ZNF675: variants seen among roughly 807,000 people sequenced by gnomAD.
The protein encoded by ZNF675 is TRAF6 inhibitory zinc finger.
Under a neutral mutation model 56.1 loss-of-function variants are expected in ZNF675, and 36 were observed. The ratio of observed to expected loss-of-function variants is 0.64; its 90% CI spans 0.49 to 0.85. ZNF675 has a LOEUF of 0.85. ZNF675 is among the 40% of genes least tolerant of loss of function. The pLI, the probability that ZNF675 is intolerant of heterozygous loss-of-function variation, is 0.00. For missense variants in ZNF675, 663 were observed against 654.2 expected (o/e 1.01, Z -0.15); for synonymous variants, 200 against 218.9 (o/e 0.91, Z 0.76).
chr19:23,654,058 G>C lies in ZNF675; in HGVS notation c.875C>G (p.Ala292Gly), dbSNP rs750709139. The C allele has an allele frequency of 9.3e-6, 15 of 1,613,582 alleles. No homozygotes were observed. The highest frequency in any genetic ancestry group is 1.2e-5 in the Non-Finnish European group (14 of 1,179,996). Residue 292 changes from alanine to glycine, a missense_variant, in exon 4 of 4, where the codon GCC (alanine) becomes GGC (glycine). Ala to Gly is a moderately conservative substitution (Grantham distance 60, BLOSUM62 0). Transcript: ENST00000359788. ...AGTAAGATTTGAGAACTGGTTAAAG[G>C]CTTTGCCACATTCTTCACATTTGTA... ...KPYKCEECGK[A>G]FNQFSNLTTH...
At chr19:23,676,189 T>A (rs1968292354) in intron 1 of ZNF675, among the ~76,000 whole-genome samples, 1 of 150,804 alleles carries the variant, frequency 6.6e-6, no homozygotes, top group African/African-American at 2.5e-5. Context: ...AATAAAAAGC[T>A]CCAAAATCAA....
At chr19:23,663,560 C>T (rs1215508136) in intron 1 of ZNF675, among the ~76,000 whole-genome samples, 3 of 151,978 alleles carry the variant, frequency 2.0e-5, no homozygotes, top group Admixed American at 6.6e-5. Flanking sequence ...GGCGTGGTGG[C>T]GCATGCATGT....
chr19:23,677,195 C>G (rs548572292), intron 1 of ZNF675, among the ~76,000 whole-genome samples: 6 of 151,638 alleles, frequency 4.0e-5, no homozygotes, highest in African/African-American at 1.5e-4. Context: ...AGCAATCAGG[C>G]AAGCCGAAAC....
intron 3 of ZNF675, chr19:23,656,042 GT>G (rs1457557235): frequency 1.2e-3 from 5 of 4,330 alleles, no homozygotes; most frequent in African/African-American, 1.3e-3. Context: ...TATGGCTGCA[GT>G]GGAGCCACTG....
chr19:23,656,967 C>T (rs1568288450), intron 3 of ZNF675: 1 of 152,140 alleles, frequency 6.6e-6, no homozygotes, highest in Non-Finnish European at 1.5e-5. Context: ...CAGGTTCTCA[C>T]TCTGTCATTC....
intron 1 of ZNF675, among the ~76,000 whole-genome samples, chr19:23,683,852 C>A (rs1324984537): frequency 6.6e-6 from 1 of 151,658 alleles, no homozygotes; most frequent in Non-Finnish European, 1.5e-5. Flanking sequence ...AAACTTTTAA[C>A]AAATAGAATA....
chr19:23,661,944 G>A (rs1351689204), intron 3 of ZNF675, 170 bp downstream of exon 3: 2 of 560,408 alleles, frequency 3.6e-6, no homozygotes, highest in Non-Finnish European at 6.4e-6. Context: ...GAATTTAAAA[G>A]CATAAGACAG....
At position 23,653,391 on chromosome 19, in the gene ZNF675, G is replaced by A. The variant is rs370219307; in HGVS notation, c.1542C>T (p.Gly514=). The A allele has an allele frequency of 1.2e-6, 2 of 1,612,732 alleles. No homozygotes were observed. Among genetic ancestry groups the A allele is most frequent in the African/African-American group, 2.7e-5 (2 of 74,840 alleles). ...GTTTTGAGGATCGGCTAAAAGCTTT[G>A]CCACATTCTTCACATTTGTAGGGTT... The part of the protein sequence containing the change: ...GEKPYKCEEC[G]KAFSRSSKLT... Residue 514 remains glycine (G), a synonymous_variant, in exon 4 of 4, where the codon GGC becomes GGT. Coordinates refer to ENST00000359788, the MANE Select transcript of ZNF675 (RefSeq NM_138330.3).
chr19:23,686,350 G>A (rs1968442110), intron 1 of ZNF675: 1 of 151,946 alleles, frequency 6.6e-6, no homozygotes, highest in African/African-American at 2.4e-5. Flanking sequence ...TTTTAAGACG[G>A]AGTTTCGGTC....
Position 23,654,107 on chromosome 19 carries a change from T to C in ZNF675, c.826A>G (p.Ile276Val). The change falls in exon 4 of 4, where the codon ATA becomes GTA. Residue 276 changes from isoleucine to valine, a missense_variant. Around this residue, in one of 3 missense-constraint regions of ZNF675, gnomAD observed 617 missense variants for 590.5 expected, o/e 1.04. Transcript: ENST00000359788. ...TAGGGTTTCTCTCCTGTATGAATTATCTTATGTGTAGTAAGGTGTGAGGAC... is the reference window on the plus strand; with the variant it reads ...TAGGGTTTCTCTCCTGTATGAATTACCTTATGTGTAGTAAGGTGTGAGGAC... ...NQSSHLTTHK[I>V]IHTGEKPYKC... is the part of the protein sequence containing the mutation. The C allele has an allele frequency of 6.2e-7, 1 of 1,614,014 alleles. No homozygotes were observed. The highest frequency in any genetic ancestry group is 8.5e-7 in the Non-Finnish European group (1 of 1,180,016).
chr19:23,654,817 TAATTAAG>T (rs1967960494), intron 3 of ZNF675, 111 bp from the exon 4 acceptor site: 1 of 863,166 alleles, frequency 1.2e-6, no homozygotes, highest in Non-Finnish European at 1.7e-6. Context: ...CCACAGGCCA[TAATTAAG>T]TGTATGTGTT....
chr19:23,663,609 G>A (rs530561786), intron 1 of ZNF675, among the ~76,000 whole-genome samples: 3 of 152,220 alleles, frequency 2.0e-5, no homozygotes, highest in South Asian at 4.1e-4. Context: ...GGAGAATCAC[G>A]AGAATGGCTT....
chr19:23,680,734 A>C (rs778410321), intron 1 of ZNF675, among the ~76,000 whole-genome samples: 1 of 151,794 alleles, frequency 6.6e-6, no homozygotes, highest in Non-Finnish European at 1.5e-5. Context: ...AGCCTGGGCA[A>C]CAAGAGCAAA....
intron 1 of ZNF675, among the ~76,000 whole-genome samples, chr19:23,684,261 C>CAA (rs60512603): frequency 3.5e-5 from 4 of 112,728 alleles, no homozygotes; most frequent in African/African-American, 1.0e-4. Context: ...GACTCCGTCT[C>CAA]AAAAAAAAAA....
chr19:23,665,564 C>T (rs557510034), intron 1 of ZNF675, among the ~76,000 whole-genome samples: 6 of 151,804 alleles, frequency 4.0e-5, no homozygotes, highest in Non-Finnish European at 7.4e-5. Flanking sequence ...GGCGTGATCT[C>T]GACTCACTGC....
intron 1 of ZNF675, among the ~76,000 whole-genome samples, chr19:23,672,093 T>G (rs1256986522): frequency 6.6e-6 from 1 of 151,888 alleles, no homozygotes; most frequent in Non-Finnish European, 1.5e-5. Context: ...GATGAGAGAC[T>G]CAGGCTAAAT....
chr19:23,687,013 C>G lies in ZNF675; in HGVS notation c.3+18G>C, dbSNP rs200668173. 2 of 1,613,608 alleles carry G rather than the reference C, an allele frequency of 1.2e-6. No homozygotes were observed. Among genetic ancestry groups the G allele is most frequent in the African/African-American group, 2.7e-5 (2 of 75,004 alleles). On this transcript the variant is annotated intron_variant, in intron 1 of 3. Coordinates refer to ENST00000359788, the MANE Select transcript of ZNF675 (RefSeq NM_138330.3). ...CAGCCCCTTCCCCCTCTCGGGATGT[C>G]GCACCCGTAACTCTCACCATTTCTA...
Position 23,669,467 on chromosome 19 carries a change from T to G in ZNF675, c.4-6309A>C, listed in dbSNP as rs1968200109. On this transcript the variant is annotated intron_variant, in intron 1 of 3. Coordinates refer to ENST00000359788, the MANE Select transcript of ZNF675 (RefSeq NM_138330.3). ...GGGTCCAAGCATGTTGCAGGTGGTC[T>G]CTGAGGTGCACGGTGGTGGGGGGGT... Among the ~76,000 whole-genome samples, 4 of 133,246 alleles carry G rather than the reference T, an allele frequency of 3.0e-5. No individual in the cohort carries two copies. In the South Asian group the frequency reaches 1.1e-3, roughly 37 times the overall value. 87.4% of individuals were successfully genotyped at this position (133,246 alleles called of 152,430 possible). A position where few individuals can be genotyped will look rare whatever the true frequency, so the allele number is the denominator to read the frequency against.
chr19:23,667,100 C>T (rs2144934792), intron 1 of ZNF675, among the ~76,000 whole-genome samples: 1 of 152,044 alleles, frequency 6.6e-6, no homozygotes, highest in Middle Eastern at 3.4e-3. Context: ...GAGTTTCTTC[C>T]TTCTGGTGGG....
Sources: allele counts gnomAD v4.1 joint callset (sites outside exome capture counted in the v4.1 genomes callset), GRCh38; gene constraint gnomAD v4.1.1; regional missense constraint gnomAD v4.1.1; transcripts MANE v1.5; gene names NCBI Gene and HGNC (gene_info 2026-07-23, HGNC 2026-07-21).